CDH13: variants seen among roughly 807,000 people sequenced by gnomAD.
The protein encoded by CDH13 is cadherin-13.
CDH13 carries 24 observed loss-of-function variants against 63.8 expected under a neutral mutation model. The ratio of observed to expected loss-of-function variants is 0.38; its 90% CI spans 0.27 to 0.53. CDH13 has a LOEUF of 0.53. Among genes scored for constraint, CDH13 ranks in the 20% least tolerant of loss-of-function variants. The probability of loss-of-function intolerance (pLI) is 0.85; values close to 1 mark genes in which losing one functional copy is unlikely to be tolerated. For missense variants in CDH13, 1,049 were observed against 903.1 expected (o/e 1.16, Z -2.07); for synonymous variants, 503 against 355.3 (o/e 1.42, Z -4.67).
At chr16:82,815,714 C>A (rs979517163) in intron 1 of CDH13, among the ~76,000 whole-genome samples, 1 of 152,144 alleles carries the variant, frequency 6.6e-6, no homozygotes, top group African/African-American at 2.4e-5. Context: ...AAGAACAGTG[C>A]CCCTAATCGT....
At chr16:83,562,254 T>G (rs2075722328) in intron 7 of CDH13, among the ~76,000 whole-genome samples, 1 of 152,182 alleles carries the variant, frequency 6.6e-6, no homozygotes, top group Non-Finnish European at 1.5e-5. Flanking sequence ...CTTGATTGTG[T>G]TAGTGCATCA....
chr16:83,525,828 C>T (rs748401883), intron 7 of CDH13, among the ~76,000 whole-genome samples: 14 of 152,084 alleles, frequency 9.2e-5, no homozygotes, highest in African/African-American at 2.4e-4. Context: ...AAGAAGAGAA[C>T]GGGACAGATT....
At chr16:82,696,082 C>G (rs762292604) in intron 1 of CDH13, among the ~76,000 whole-genome samples, 3 of 152,148 alleles carry the variant, frequency 2.0e-5, no homozygotes, top group South Asian at 2.1e-4. Flanking sequence ...ATGTGCTTGA[C>G]CAGGGAAAGC....
chr16:82,820,415 C>A lies in CDH13; in HGVS notation c.46-37947C>A, dbSNP rs537449234. ...TCCTTACAACCCTTTGGGGTAGGAACTAATTTATGTCCATTTTACAGGTAA... is the reference window on the plus strand; with the variant it reads ...TCCTTACAACCCTTTGGGGTAGGAAATAATTTATGTCCATTTTACAGGTAA... On this transcript the variant is annotated intron_variant, in intron 1 of 13. Coordinates refer to ENST00000567109, the MANE Select transcript of CDH13 (RefSeq NM_001257.5). Among the ~76,000 whole-genome samples the A allele has an allele frequency of 1.6e-3, 241 of 152,246 alleles. 1 individual carries two copies. The highest frequency in any genetic ancestry group is 2.7e-3 in the Non-Finnish European group (187 of 68,026).
At chr16:82,744,833 G>T (rs1178814690) in intron 1 of CDH13, among the ~76,000 whole-genome samples, 1 of 152,152 alleles carries the variant, frequency 6.6e-6, no homozygotes, top group Non-Finnish European at 1.5e-5. Context: ...TCGGCCATTT[G>T]TACAAGGTGC....
At chr16:83,368,937 T>TATATATAC (rs1567622155) in intron 6 of CDH13, among the ~76,000 whole-genome samples, 55 of 68,802 alleles carry the variant, frequency 8.0e-4, no homozygotes, top group African/African-American at 8.9e-4. Flanking sequence ...TATATATATA[T>TATATATAC]ACTAGGTTTT....
intron 4 of CDH13, among the ~76,000 whole-genome samples, chr16:83,158,912 C>T (rs1231607631): frequency 6.6e-6 from 1 of 152,208 alleles, no homozygotes; most frequent in South Asian, 2.1e-4. Flanking sequence ...TTACTTTACT[C>T]ACTTCCTAAA....
chr16:83,191,106 C>G (rs948524957), intron 4 of CDH13, among the ~76,000 whole-genome samples: 6 of 150,706 alleles, frequency 4.0e-5, no homozygotes, highest in Admixed American at 1.3e-4. Flanking sequence ...AGTTTCTTAA[C>G]CTAAACTTTG....
chr16:83,538,616 A>G (rs1256169290), intron 7 of CDH13, among the ~76,000 whole-genome samples: 4 of 152,210 alleles, frequency 2.6e-5, no homozygotes, highest in African/African-American at 7.2e-5. Flanking sequence ...GCCATAGAGG[A>G]AAAGGGTAGA....
At chr16:82,670,233 T>C (rs1215192628) in intron 1 of CDH13, among the ~76,000 whole-genome samples, 1 of 152,124 alleles carries the variant, frequency 6.6e-6, no homozygotes, top group Admixed American at 6.5e-5. Flanking sequence ...GAATTGCAAA[T>C]CCCTAGTCGG....
At chr16:83,184,682 G>T (rs2038458020) in intron 4 of CDH13, among the ~76,000 whole-genome samples, 1 of 152,146 alleles carries the variant, frequency 6.6e-6, no homozygotes, top group Non-Finnish European at 1.5e-5. Flanking sequence ...CTGAACCCAG[G>T]AGGCAGACGT....
chr16:83,316,011 T>C (rs1224879860), intron 5 of CDH13, among the ~76,000 whole-genome samples: 1 of 152,234 alleles, frequency 6.6e-6, no homozygotes, highest in Non-Finnish European at 1.5e-5. Flanking sequence ...CTCACAGTTC[T>C]GCAGGGCTTA....
intron 1 of CDH13, among the ~76,000 whole-genome samples, chr16:82,746,017 T>A (rs2034146601): frequency 6.6e-6 from 1 of 152,144 alleles, no homozygotes; most frequent in Non-Finnish European, 1.5e-5. Flanking sequence ...TTAATTACAC[T>A]GTCTTCATCA....
At chr16:83,679,057 A>G (rs1444815307) in intron 10 of CDH13, among the ~76,000 whole-genome samples, 4 of 151,334 alleles carry the variant, frequency 2.6e-5, no homozygotes, top group African/African-American at 7.3e-5. Flanking sequence ...GAAATAGACC[A>G]TTGGGATTGG....
intron 2 of CDH13, among the ~76,000 whole-genome samples, chr16:83,008,157 G>C (rs1913741083): frequency 6.6e-6 from 1 of 152,112 alleles, no homozygotes; most frequent in South Asian, 2.1e-4. Flanking sequence ...TCGTGAAAGA[G>C]GCAGACAATA....
chr16:82,782,694 G>C (rs1232291085), intron 1 of CDH13, among the ~76,000 whole-genome samples: 1 of 152,118 alleles, frequency 6.6e-6, no homozygotes, highest in Non-Finnish European at 1.5e-5. Context: ...TGACATCTTT[G>C]ACCAAAAACA....
intron 6 of CDH13, among the ~76,000 whole-genome samples, chr16:83,358,859 C>G (rs891252935): frequency 4.6e-5 from 7 of 152,058 alleles, no homozygotes; most frequent in Non-Finnish European, 8.8e-5. Context: ...AAAAAAAACC[C>G]CACTGCCTTA....
chr16:83,006,920 G>GTTTTTTTTTT (rs1388258642), intron 2 of CDH13, among the ~76,000 whole-genome samples: 1 of 125,612 alleles, frequency 8.0e-6, no homozygotes, highest in Non-Finnish European at 1.8e-5. Context: ...TTGTTTGTTT[G>GTTTTTTTTTT]TTTGTTTGTT....
At chr16:83,176,457 C>A (rs370723369) in intron 4 of CDH13, among the ~76,000 whole-genome samples, 8 of 145,958 alleles carry the variant, frequency 5.5e-5, no homozygotes, top group African/African-American at 2.1e-4. Flanking sequence ...TTGCAATGAG[C>A]CCAGATTGCA....
Sources: gnomAD v4.1 joint callset for allele counts (sites outside exome capture counted in the v4.1 genomes callset) on GRCh38, gnomAD v4.1.1 for gene constraint, MANE v1.5 for transcripts, NCBI Gene and HGNC (gene_info 2026-07-23, HGNC 2026-07-21) for gene names.